Variants in CCBE1 observed in about 807,000 individuals in gnomAD.
CCBE1 encodes collagen and calcium binding EGF domains 1, also known as collagen and calcium-binding EGF domain-containing protein 1.
CCBE1 carries 37 observed loss-of-function variants against 50.0 expected under a neutral mutation model. That is an observed-to-expected ratio of 0.74 (90% CI 0.57 to 0.97). The LOEUF (loss-of-function observed/expected upper bound fraction) is 0.97, where lower values mean the gene tolerates loss of function less well. Among genes scored for constraint, CCBE1 ranks in the 50% least tolerant of loss-of-function variants. CCBE1 has a pLI of 0.00. For synonymous variants in CCBE1, 234 were observed against 203.7 expected (o/e 1.15, Z -1.27); for missense variants, 538 against 523.8 (o/e 1.03, Z -0.26).
intron 9 of CCBE1, among the ~76,000 whole-genome samples, chr18:59,438,949 A>C (rs1910283883): frequency 6.6e-6 from 1 of 152,138 alleles, no homozygotes; most frequent in Non-Finnish European, 1.5e-5. Flanking sequence ...CAGGAGTTTA[A>C]GGCCAGCCTG....
rs531410575 is a variant in CCBE1, at chr18:59,682,558, A to AT, written c.212+14070dup. The stretch of plus-strand genomic sequence containing the variant: ...AGAGAACTCTCCAGTGAACAGATGA[A>AT]TTATGATGCCTCCATACAATTAAAT... On this transcript the variant is annotated intron_variant, in intron 2 of 10. Coordinates refer to ENST00000439986, the MANE Select transcript of CCBE1 (RefSeq NM_133459.4). Among the ~76,000 whole-genome samples, 18 of 152,340 alleles carry AT rather than the reference A, an allele frequency of 1.2e-4. No individual in the cohort carries two copies. In the East Asian group the frequency reaches 2.3e-3, roughly 20 times the overall value.
chr18:59,473,100 C>T (rs1912116162), intron 3 of CCBE1, among the ~76,000 whole-genome samples: 1 of 152,310 alleles, frequency 6.6e-6, no homozygotes, highest in East Asian at 1.9e-4. Context: ...ATGTCTTTCT[C>T]TCTTCCAGTT....
chr18:59,628,743 A>AGTCCTT, intron 2 of CCBE1, among the ~76,000 whole-genome samples: 1 of 152,194 alleles, frequency 6.6e-6, no homozygotes, highest in East Asian at 1.9e-4. Context: ...TCCAAGTGCC[A>AGTCCTT]GTCCTTCCTC....
At chr18:59,643,156 C>T (rs967238962) in intron 2 of CCBE1, among the ~76,000 whole-genome samples, 5 of 152,112 alleles carry the variant, frequency 3.3e-5, no homozygotes, top group African/African-American at 1.2e-4. Flanking sequence ...TGTCGTTCAT[C>T]TGCCATTAGA....
At chr18:59,691,757 G>A (rs2054736649) in intron 2 of CCBE1, among the ~76,000 whole-genome samples, 2 of 152,274 alleles carry the variant, frequency 1.3e-5, no homozygotes, top group South Asian at 4.1e-4. Flanking sequence ...TGCCCTGAAT[G>A]AGCCAAGTCT....
At chr18:59,477,882 AT>A (rs1000558198) in intron 3 of CCBE1, among the ~76,000 whole-genome samples, 2 of 152,186 alleles carry the variant, frequency 1.3e-5, no homozygotes, top group Non-Finnish European at 2.9e-5. Context: ...CAAGGCATAG[AT>A]TTGTGATAAT....
At chr18:59,599,435 C>T (rs1251634139) in intron 2 of CCBE1, among the ~76,000 whole-genome samples, 1 of 152,024 alleles carries the variant, frequency 6.6e-6, no homozygotes, top group Non-Finnish European at 1.5e-5. Context: ...CAGAAGCTGC[C>T]CTGAATTATA....
At chr18:59,663,712 T>C (rs2054316059) in intron 2 of CCBE1, among the ~76,000 whole-genome samples, 1 of 152,140 alleles carries the variant, frequency 6.6e-6, no homozygotes, top group African/African-American at 2.4e-5. Flanking sequence ...AGGGCATTAT[T>C]CAGGGCAAGA....
chr18:59,663,786 AGTGAT>A (rs2054316959), intron 2 of CCBE1, among the ~76,000 whole-genome samples: 1 of 152,160 alleles, frequency 6.6e-6, no homozygotes, highest in South Asian at 2.1e-4. Flanking sequence ...ATGAGGCAGA[AGTGAT>A]GGGATTTGGT....
chr18:59,481,474 T>C (rs760985487), intron 2 of CCBE1, among the ~76,000 whole-genome samples: 34 of 152,126 alleles, frequency 2.2e-4, no homozygotes, highest in Non-Finnish European at 4.4e-4. Context: ...TTAAAGAAGT[T>C]TGGCAAGCCC....
Position 59,435,530 on chromosome 18 carries a change from C to T in CCBE1, c.*378G>A, listed in dbSNP as rs141921214. The T allele has an allele frequency of 1.4e-3, 442 of 306,554 alleles. 3 individuals are homozygous for T. The highest frequency in any genetic ancestry group is 8.6e-3 in the African/African-American group (396 of 46,184). The allele number at this position is 306,554 out of a possible 1,614,324, so 19.0% of individuals were successfully genotyped here. ...AGTAGCCTCACATTTTCTTAGAGCT[C>T]ACTTTGTCATTTTCCCCCTTTTGAT... On this transcript the variant is annotated 3_prime_UTR_variant, in exon 11 of 11. Transcript: ENST00000439986.
intron 2 of CCBE1, among the ~76,000 whole-genome samples, chr18:59,538,895 T>C (rs1290969805): frequency 6.6e-6 from 1 of 152,190 alleles, no homozygotes; most frequent in East Asian, 1.9e-4. Flanking sequence ...TATAAAAGAC[T>C]AGGCTGGGTT....
intron 9 of CCBE1, among the ~76,000 whole-genome samples, chr18:59,439,061 C>T (rs976128885): frequency 9.2e-5 from 14 of 151,780 alleles, no homozygotes; most frequent in African/African-American, 1.9e-4. Context: ...CCGAGGTGGG[C>T]GGATCACGAA....
intron 2 of CCBE1, among the ~76,000 whole-genome samples, chr18:59,606,564 C>T (rs184303996): frequency 7.5e-4 from 114 of 152,258 alleles, no homozygotes; most frequent in African/African-American, 2.4e-3. Flanking sequence ...GCATCTTGCA[C>T]GGATCATTTA....
rs902791926 is a variant in CCBE1 at position 59,537,009 on chromosome 18, T to A, written c.213-56771A>T. On this transcript the variant is annotated intron_variant, in intron 2 of 10. Transcript: ENST00000439986. ...CTGTCTCAAAAAAAAAAAAAAAAAA[T>A]GGATGTTTTTCATGTTTCTGCTCAC... 1.8e-3 allele frequency among the ~76,000 whole-genome samples: 228 copies of A among 125,296 alleles called. 1 individual carries two copies. The highest frequency in any genetic ancestry group is 4.3e-3 in the African/African-American group (142 of 32,800). 82.2% of individuals were successfully genotyped at this position (125,296 alleles called of 152,430 possible).
chr18:59,610,109 G>T (rs1252138680), intron 2 of CCBE1, among the ~76,000 whole-genome samples: 3 of 152,188 alleles, frequency 2.0e-5, no homozygotes, highest in African/African-American at 7.2e-5. Context: ...TGGGATACAT[G>T]CTTAAGTTTA....
At chr18:59,439,329 G>C (rs1598900954) in intron 9 of CCBE1, among the ~76,000 whole-genome samples, 1 of 151,964 alleles carries the variant, frequency 6.6e-6, no homozygotes, top group Non-Finnish European at 1.5e-5. Context: ...GCCGGGAGTG[G>C]TGGTGCACAC....
At chr18:59,485,256 T>TA (rs1016488242) in intron 2 of CCBE1, among the ~76,000 whole-genome samples, 52 of 151,888 alleles carry the variant, frequency 3.4e-4, no homozygotes, top group African/African-American at 1.0e-3. Context: ...TTAACACATG[T>TA]AAAAAAAATA....
intron 2 of CCBE1, among the ~76,000 whole-genome samples, chr18:59,623,358 T>TCCC (rs2053737199): frequency 6.6e-6 from 1 of 152,194 alleles, no homozygotes; most frequent in Admixed American, 6.5e-5. Context: ...TATCCTGGTC[T>TCCC]CCCATTGTAC....
Sources: gnomAD v4.1 joint callset for allele counts (sites outside exome capture counted in the v4.1 genomes callset) on GRCh38, gnomAD v4.1.1 for gene constraint, MANE v1.5 for transcripts, NCBI Gene and HGNC (gene_info 2026-07-23, HGNC 2026-07-21) for gene names.